USP31: variants seen among roughly 807,000 people sequenced by gnomAD.
USP31 encodes the protein ubiquitin carboxyl-terminal hydrolase 31.
Under a neutral mutation model 119.4 loss-of-function variants are expected in USP31, and 44 were observed. That is an observed-to-expected ratio of 0.37 (90% confidence interval 0.29 to 0.47). The LOEUF (loss-of-function observed/expected upper bound fraction) is 0.47. Ranked by LOEUF, USP31 falls within the 20% of genes least tolerant of loss-of-function variation. The pLI, the probability that USP31 is intolerant of heterozygous loss-of-function variation, is 0.99. For synonymous variants in USP31, 749 were observed against 705.6 expected (o/e 1.06, Z -0.97); for missense variants, 1,643 against 1,730.2 (o/e 0.95, Z 0.89).
In USP31 at chr16:23,068,623, T is replaced by G; in HGVS notation, c.3482A>C (p.Gln1161Pro). 6.2e-7 allele frequency: 1 copy of G among 1,614,208 alleles called. No homozygotes were observed. The highest frequency in any genetic ancestry group is 8.5e-7 in the Non-Finnish European group (1 of 1,180,042). Residue 1161 changes from glutamine to proline, a missense_variant, in exon 16 of 16, where the codon CAA (glutamine) becomes CCA (proline). Physicochemically the swap from Gln to Pro is moderately conservative, Grantham distance 76. Around this residue, in one of 5 missense-constraint regions of USP31, gnomAD observed 699 missense variants for 650.9 expected, o/e 1.07. Transcript: ENST00000219689. ...GCTGGCTCTGTCAGAACCCAAGCTT[T>G]GTCTGGAGCCCTCTCTACTCAAGCT... is the stretch of plus-strand genomic sequence containing the variant. Reference protein sequence around the residue: ...DHSLSREGSRQSLGSDRASAT... With the variant: ...DHSLSREGSRPSLGSDRASAT...
chr16:23,082,335 G>A, intron 12 of USP31, 103 bp downstream of exon 12: 1 of 1,468,370 alleles, frequency 6.8e-7, no homozygotes, highest in Admixed American at 1.8e-5. Context: ...AGGACTCACT[G>A]GATCAAACAG....
chr16:23,125,873 T>C (rs562198653), intron 1 of USP31, among the ~76,000 whole-genome samples: 6 of 152,364 alleles, frequency 3.9e-5, no homozygotes, highest in Non-Finnish European at 7.3e-5. Flanking sequence ...AAAGAAAGCG[T>C]TGAATTTCCT....
chr16:23,066,247 G>A lies in USP31; in HGVS notation c.*1799C>T, dbSNP rs1241223741. ...TGGAGCACTGTGGTAACTTTCACAA[G>A]GCTAAATGTCTAAATCTTAAATACT... On this transcript the variant is annotated 3_prime_UTR_variant, in exon 16 of 16. Transcript: ENST00000219689. 1.3e-5 allele frequency: 2 copies of A among 152,598 alleles called. No individual in the cohort carries two copies. The highest frequency in any genetic ancestry group is 2.9e-5 in the Non-Finnish European group (2 of 68,030). The allele number at this position is 152,598 out of a possible 1,614,324, so 9.5% of individuals were successfully genotyped here.
At chr16:23,093,581 G>A (rs1901466528) in intron 6 of USP31, among the ~76,000 whole-genome samples, 4 of 152,194 alleles carry the variant, frequency 2.6e-5, no homozygotes. Flanking sequence ...ATTGCTGGTG[G>A]AAACGTAAAA....
At chr16:23,076,030 G>A (rs1900555937) in intron 13 of USP31, among the ~76,000 whole-genome samples, 1 of 152,108 alleles carries the variant, frequency 6.6e-6, no homozygotes. Flanking sequence ...GGGCTGCAGT[G>A]AGCCACGATC....
intron 1 of USP31, among the ~76,000 whole-genome samples, chr16:23,122,359 C>A (rs558075269): frequency 1.3e-5 from 2 of 152,156 alleles, no homozygotes; most frequent in South Asian, 4.1e-4. Flanking sequence ...TCACACAGTG[C>A]TCGTGGGAAT....
intron 1 of USP31, among the ~76,000 whole-genome samples, chr16:23,128,733 T>C (rs1257817186): frequency 6.6e-6 from 1 of 152,154 alleles, no homozygotes; most frequent in Non-Finnish European, 1.5e-5. Flanking sequence ...CCACAAGAGA[T>C]AAAACCAAAC....
intron 15 of USP31, among the ~76,000 whole-genome samples, chr16:23,070,113 C>T (rs1448531463): frequency 1.3e-5 from 2 of 152,250 alleles, no homozygotes; most frequent in Non-Finnish European, 2.9e-5. Context: ...CGATTAAATA[C>T]AACCTTACAA....
intron 1 of USP31, among the ~76,000 whole-genome samples, chr16:23,117,799 C>G (rs1355023028): frequency 2.1e-5 from 3 of 141,234 alleles, no homozygotes; most frequent in Non-Finnish European, 3.1e-5. Flanking sequence ...TCTCTCTGTT[C>G]TTGTTGTTGT....
At chr16:23,111,224 A>G (rs1357389012) in intron 1 of USP31, among the ~76,000 whole-genome samples, 3 of 152,220 alleles carry the variant, frequency 2.0e-5, no homozygotes, top group Non-Finnish European at 4.4e-5. Context: ...GAAACAAACT[A>G]AAGAGGCAAG....
chr16:23,073,988 A>C, intron 13 of USP31, 108 bp from the exon 14 acceptor site: 1 of 1,454,872 alleles, frequency 6.9e-7, no homozygotes, highest in Non-Finnish European at 9.5e-7. Context: ...AGAACGTTTT[A>C]AGGCTGCGTA....
intron 1 of USP31, among the ~76,000 whole-genome samples, chr16:23,118,647 A>G (rs1346301609): frequency 6.6e-6 from 1 of 152,216 alleles, no homozygotes; most frequent in Non-Finnish European, 1.5e-5. Flanking sequence ...TCTCACATGT[A>G]TCACTAGACA....
At chr16:23,070,916 A>G (rs536131796) in intron 15 of USP31, among the ~76,000 whole-genome samples, 2 of 152,218 alleles carry the variant, frequency 1.3e-5, no homozygotes, top group African/African-American at 4.8e-5. Context: ...GATGATGCTT[A>G]AAAGGATACT....
intron 1 of USP31, among the ~76,000 whole-genome samples, chr16:23,113,740 A>T (rs776887964): frequency 1.3e-5 from 2 of 152,170 alleles, no homozygotes; most frequent in Non-Finnish European, 2.9e-5. Flanking sequence ...GACCATCTGG[A>T]GGGGACCTTC....
chr16:23,069,358 C>T lies in USP31; in HGVS notation c.2747G>A (p.Arg916Gln), dbSNP rs764878648. The change falls in exon 16 of 16, where the codon CGG becomes CAG. Residue 916 changes from arginine to glutamine, a missense_variant. Around this residue, in one of 5 missense-constraint regions of USP31, gnomAD observed 699 missense variants for 650.9 expected, o/e 1.07. Transcript: ENST00000219689. ...KVSISCFGSL[R>Q]NLSSSYQEPS... Reference sequence around the variant, plus strand: ...TTCCTGGTAACTGCTAGAAAGGTTCCGCAAGCTACCAAAGCAAGAGATGGA... The same window carrying T: ...TTCCTGGTAACTGCTAGAAAGGTTCTGCAAGCTACCAAAGCAAGAGATGGA... 1.1e-5 allele frequency: 17 copies of T among 1,604,766 alleles called. No individual in the cohort carries two copies. The highest frequency in any genetic ancestry group is 1.3e-5 in the Non-Finnish European group (15 of 1,173,800).
At chr16:23,146,530 A>AAAT (rs942062201) in intron 1 of USP31, among the ~76,000 whole-genome samples, 50 of 151,904 alleles carry the variant, frequency 3.3e-4, no homozygotes, top group Admixed American at 9.2e-4. Flanking sequence ...TCCATCTCAA[A>AAAT]AATAATAATA....
chr16:23,110,371 A>G (rs187630282), intron 1 of USP31, among the ~76,000 whole-genome samples: 1 of 152,360 alleles, frequency 6.6e-6, no homozygotes, highest in East Asian at 1.9e-4. Context: ...TTGAAGATTA[A>G]GAGGCAGGGA....
At chr16:23,134,913 CA>C (rs1567247705) in intron 1 of USP31, among the ~76,000 whole-genome samples, 1 of 147,440 alleles carries the variant, frequency 6.8e-6, no homozygotes, top group Non-Finnish European at 1.5e-5. Flanking sequence ...CACACACACA[CA>C]CATATTCTAT....
chr16:23,129,990 C>A (rs926988351), intron 1 of USP31, among the ~76,000 whole-genome samples: 5 of 152,146 alleles, frequency 3.3e-5, no homozygotes, highest in African/African-American at 4.8e-5. Flanking sequence ...CTATACCAGG[C>A]ACCATATTAG....
Sources: gnomAD v4.1 joint callset for allele counts (sites outside exome capture counted in the v4.1 genomes callset) on GRCh38, gnomAD v4.1.1 for gene constraint, gnomAD v4.1.1 regional missense constraint, MANE v1.5 for transcripts, NCBI Gene and HGNC (gene_info 2026-07-23, HGNC 2026-07-21) for gene names.